The following WWTR1 variants were observed in gnomAD, a reference collection of about 807,000 sequenced individuals.
WWTR1 encodes WW domain containing transcription regulator 1.
A neutral mutation model predicts 40.1 loss-of-function variants in WWTR1; 13 were observed. The ratio of observed to expected loss-of-function variants is 0.32; its 90% CI spans 0.21 to 0.52. The LOEUF (loss-of-function observed/expected upper bound fraction) is 0.52. Among genes scored for constraint, WWTR1 ranks in the 20% least tolerant of loss-of-function variants. WWTR1 has a pLI of 0.97. For synonymous variants in WWTR1, 230 were observed against 210.1 expected, an observed-to-expected ratio of 1.09 and a Z score of -0.82; for missense variants, 436 against 523.1, an observed-to-expected ratio of 0.83 and a Z score of 1.63.
At chr3:149,583,464 G>A (rs1007935746) in intron 2 of WWTR1, among the ~76,000 whole-genome samples, 1 of 152,120 alleles carries the variant, frequency 6.6e-6, no homozygotes, top group Non-Finnish European at 1.5e-5. Context: ...TCAGCCTCCC[G>A]AGGCTGGGTC....
intron 2 of WWTR1, among the ~76,000 whole-genome samples, chr3:149,624,712 T>G (rs562281145): frequency 2.0e-5 from 3 of 152,110 alleles, no homozygotes; most frequent in African/African-American, 7.2e-5. Context: ...TTTTAACCTT[T>G]TTTTTTAGAT....
chr3:149,529,304 T>TA (rs1397064926), intron 4 of WWTR1, among the ~76,000 whole-genome samples: 4 of 152,136 alleles, frequency 2.6e-5, no homozygotes, highest in African/African-American at 4.8e-5. Flanking sequence ...TGATGTGACT[T>TA]TAGAGGGTAG....
intron 2 of WWTR1, among the ~76,000 whole-genome samples, chr3:149,630,695 G>A (rs1415193166): frequency 6.6e-6 from 1 of 152,206 alleles, no homozygotes; most frequent in Non-Finnish European, 1.5e-5. Context: ...AGGAAGCAGA[G>A]TCACAATGCC....
intron 2 of WWTR1, among the ~76,000 whole-genome samples, chr3:149,598,335 C>A (rs72997948): frequency 0.072 from 10,930 of 152,254 alleles, 902 homozygotes; most frequent in East Asian, 0.34. Context: ...ATCATTATCT[C>A]ATTTAATACT....
chr3:149,622,446 AAAGAAAGGAAGGAAGGAAGG>A (rs1740322688), intron 2 of WWTR1, among the ~76,000 whole-genome samples: 1 of 118,334 alleles, frequency 8.5e-6, no homozygotes, highest in African/African-American at 3.2e-5. Flanking sequence ...TCCCAGAAAG[AAAGAAAGGAAGGAAGGAAGG>A]AAGGAAGGAA....
rs779674768 is a variant in WWTR1 at position 149,656,992 on chromosome 3, G to A, written c.315C>T (p.Ser105=). 1.8e-5 allele frequency: 29 copies of A among 1,598,578 alleles called. No individual in the cohort carries two copies. Among genetic ancestry groups the A allele is most frequent in the African/African-American group, 6.7e-5 (5 of 74,656 alleles). The part of the protein sequence containing the change: ...QLGTGAGAAG[S]PAQQHAHLRQ... ...GGAGGTGCGCGTGCTGCTGCGCGGG[G>A]CTACCCGCAGCACCCGCGCCGGTGC... Residue 105 remains serine, a synonymous_variant, in exon 2 of 7, where the codon AGC becomes AGT. Transcript: ENST00000360632.
chr3:149,626,156 G>A (rs1740535167), intron 2 of WWTR1, among the ~76,000 whole-genome samples: 1 of 143,948 alleles, frequency 6.9e-6, no homozygotes, highest in Non-Finnish European at 1.6e-5. Flanking sequence ...AAGGTACAAG[G>A]GACCAAGTCT....
chr3:149,586,661 G>T (rs1025026289), intron 2 of WWTR1, among the ~76,000 whole-genome samples: 1 of 151,772 alleles, frequency 6.6e-6, no homozygotes, highest in Admixed American at 6.6e-5. Flanking sequence ...GGTGACTGTT[G>T]GTGGGCTCCT....
rs1054599743 is a variant in WWTR1, at chr3:149,520,054, A to T, written c.*751T>A. On this transcript the variant is annotated 3_prime_UTR_variant, in exon 7 of 7. Coordinates refer to ENST00000360632, the MANE Select transcript of WWTR1 (RefSeq NM_015472.6). ...AAACTTTTGTTTGAATAAAATGCTC[A>T]TAATTAGTACCAAACTGGTCTCTTT... The T allele has an allele frequency of 6.6e-6, 1 of 152,206 alleles. No individual in the cohort carries two copies. Among genetic ancestry groups the T allele is most frequent in the African/African-American group, 2.4e-5 (1 of 41,458 alleles). The allele number at this position is 152,206 out of a possible 1,614,324, so 9.4% of individuals were successfully genotyped here.
intron 2 of WWTR1, among the ~76,000 whole-genome samples, chr3:149,613,234 A>C (rs1014996582): frequency 1.3e-5 from 2 of 152,196 alleles, no homozygotes; most frequent in African/African-American, 2.4e-5. Context: ...AAGGCACAGG[A>C]CCAGACAGAA....
At chr3:149,611,253 C>T (rs903228577) in intron 2 of WWTR1, among the ~76,000 whole-genome samples, 9 of 152,152 alleles carry the variant, frequency 5.9e-5, no homozygotes, top group Admixed American at 5.2e-4. Flanking sequence ...AAGAAAGCTG[C>T]GTAGCAAGAC....
intron 2 of WWTR1, among the ~76,000 whole-genome samples, chr3:149,625,895 G>A (rs1740524572): frequency 6.6e-6 from 1 of 151,938 alleles, no homozygotes; most frequent in Admixed American, 6.6e-5. Flanking sequence ...CAAACCAAAT[G>A]CCACCTCCTT....
chr3:149,654,856 G>A (rs1200060033), intron 2 of WWTR1, among the ~76,000 whole-genome samples: 1 of 152,108 alleles, frequency 6.6e-6, no homozygotes, highest in African/African-American at 2.4e-5. Flanking sequence ...AGGCGTGGTG[G>A]CTCACACCTG....
intron 2 of WWTR1, among the ~76,000 whole-genome samples, chr3:149,650,599 A>G (rs190727956): frequency 1.1e-4 from 16 of 152,336 alleles, no homozygotes; most frequent in African/African-American, 3.4e-4. Flanking sequence ...TACAGCAGGT[A>G]ATCAACAAAT....
chr3:149,640,533 G>C (rs1712114638), intron 2 of WWTR1, among the ~76,000 whole-genome samples: 1 of 152,084 alleles, frequency 6.6e-6, no homozygotes, highest in Admixed American at 6.5e-5. Context: ...TGAATCTCCT[G>C]CCTCAGCCTC....
At chr3:149,638,250 A>G (rs1189729613) in intron 2 of WWTR1, among the ~76,000 whole-genome samples, 4 of 152,146 alleles carry the variant, frequency 2.6e-5, no homozygotes, top group Admixed American at 2.0e-4. Flanking sequence ...AGAGGCATGC[A>G]GTGGCCGTGA....
chr3:149,662,809 G>T (rs1713642587), upstream of WWTR1, among the ~76,000 whole-genome samples: 1 of 152,140 alleles, frequency 6.6e-6, no homozygotes, highest in African/African-American at 2.4e-5. Context: ...ACATGATCCA[G>T]TAATAAAGTA....
intron 1 of WWTR1, among the ~76,000 whole-genome samples, chr3:149,700,415 TA>T (rs1242599172): frequency 6.6e-6 from 1 of 152,186 alleles, no homozygotes; most frequent in Non-Finnish European, 1.5e-5. Context: ...CCATTATAGT[TA>T]TTCAGTGAGT....
At chr3:149,677,231 A>G (rs548252358) in intron 1 of WWTR1, among the ~76,000 whole-genome samples, 1 of 152,098 alleles carries the variant, frequency 6.6e-6, no homozygotes, top group Non-Finnish European at 1.5e-5. Flanking sequence ...TCTTAAATGG[A>G]GAGGGCACAG....
Sources: gnomAD v4.1 joint callset for allele counts (sites outside exome capture counted in the v4.1 genomes callset) on GRCh38, gnomAD v4.1.1 for gene constraint, MANE v1.5 for transcripts, NCBI Gene and HGNC (gene_info 2026-07-23, HGNC 2026-07-21) for gene names.